Variants in LRRC7 observed in about 807,000 individuals in gnomAD.
LRRC7 encodes the protein leucine-rich repeat-containing protein 7.
A neutral mutation model predicts 175.7 loss-of-function variants in LRRC7; 23 were observed. The observed-to-expected ratio is 0.13, with a 90% CI of 0.09 to 0.19. The LOEUF is 0.19. LRRC7 is among the 10% of genes least tolerant of loss of function. LRRC7 has a pLI of 1.00. For missense variants in LRRC7, 1,354 were observed against 1,904.7 expected (o/e 0.71, Z 5.38); for synonymous variants, 685 against 680.9 (o/e 1.01, Z -0.09).
chr1:69,652,557 CAA>C (rs1399704852), intron 1 of LRRC7, among the ~76,000 whole-genome samples: 1 of 152,082 alleles, frequency 6.6e-6, no homozygotes, highest in East Asian at 1.9e-4. Context: ...AAGCAATCTA[CAA>C]ATTCAATGCA....
At chr1:69,728,413 A>G (rs1208889200) in intron 2 of LRRC7, among the ~76,000 whole-genome samples, 2 of 152,230 alleles carry the variant, frequency 1.3e-5, no homozygotes, top group African/African-American at 2.4e-5. Flanking sequence ...GCTACATTAA[A>G]GGCCATAAAA....
In LRRC7 at chr1:70,130,839, G is replaced by T. The variant is rs1389089827; in HGVS notation, c.*8952G>T. 6.6e-6 allele frequency among the ~76,000 whole-genome samples: 1 copy of T among 152,176 alleles called. No homozygotes were observed. Among genetic ancestry groups the T allele is most frequent in the Non-Finnish European group, 1.5e-5 (1 of 68,034 alleles). ...GACGAGGCTACGGAAGTGTAGTTGA[G>T]AGAAAGGGGTCTCCACCTACCTATT... is the stretch of plus-strand genomic sequence containing the variant. On this transcript the variant is annotated 3_prime_UTR_variant, in exon 27 of 27. Coordinates refer to ENST00000651989, the MANE Select transcript of LRRC7 (RefSeq NM_001370785.2).
intron 7 of LRRC7, among the ~76,000 whole-genome samples, chr1:69,905,665 C>T (rs1570588770): frequency 6.6e-6 from 1 of 152,114 alleles, no homozygotes; most frequent in African/African-American, 2.4e-5. Flanking sequence ...CATTGTTGGA[C>T]ATTTGGGTTG....
At chr1:69,799,513 A>T (rs1237540449) in intron 4 of LRRC7, among the ~76,000 whole-genome samples, 2 of 152,102 alleles carry the variant, frequency 1.3e-5, no homozygotes, top group Non-Finnish European at 2.9e-5. Flanking sequence ...CTCCACTTCC[A>T]TCCATGTTGC....
At chr1:69,979,306 G>A (rs1416502032) in intron 8 of LRRC7, among the ~76,000 whole-genome samples, 1 of 152,246 alleles carries the variant, frequency 6.6e-6, no homozygotes, top group East Asian at 1.9e-4. Context: ...ATAGGGAAGG[G>A]GATAATTTCT....
At chr1:70,057,230 AAT>A (rs567668733) in intron 23 of LRRC7, among the ~76,000 whole-genome samples, 157 of 152,328 alleles carry the variant, frequency 1.0e-3, no homozygotes, top group Middle Eastern at 0.01. Context: ...GACCACTTTA[AAT>A]ATTCAAATTT....
chr1:69,690,904 T>C (rs770581163), intron 2 of LRRC7, among the ~76,000 whole-genome samples: 6 of 152,208 alleles, frequency 3.9e-5, no homozygotes, highest in Non-Finnish European at 7.3e-5. Flanking sequence ...AAACCCATTC[T>C]TTGGTGACTC....
At chr1:69,974,648 T>A (rs2101875534) in intron 8 of LRRC7, among the ~76,000 whole-genome samples, 1 of 152,362 alleles carries the variant, frequency 6.6e-6, no homozygotes, top group East Asian at 1.9e-4. Flanking sequence ...ATCTATTGAT[T>A]ATGAAATGCT....
At chr1:70,048,911 G>T (rs1660539072) in intron 22 of LRRC7, among the ~76,000 whole-genome samples, 1 of 152,038 alleles carries the variant, frequency 6.6e-6, no homozygotes, top group South Asian at 2.1e-4. Flanking sequence ...AGCAGGGCTG[G>T]GGAGAAAATC....
intron 24 of LRRC7, among the ~76,000 whole-genome samples, chr1:70,079,466 A>C (rs1425977027): frequency 1.3e-5 from 2 of 152,238 alleles, no homozygotes; most frequent in Non-Finnish European, 2.9e-5. Context: ...TGGTACAAAG[A>C]AAGTCTACTC....
At chr1:70,034,803 T>A (rs923772459) in intron 18 of LRRC7, among the ~76,000 whole-genome samples, 9 of 152,206 alleles carry the variant, frequency 5.9e-5, no homozygotes, top group African/African-American at 2.2e-4. Flanking sequence ...ATATTCTATT[T>A]AAAAAATTAA....
intron 23 of LRRC7, among the ~76,000 whole-genome samples, chr1:70,062,188 A>G (rs766642632): frequency 1.3e-5 from 2 of 152,088 alleles, no homozygotes; most frequent in Non-Finnish European, 2.9e-5. Flanking sequence ...CTGTATCCCT[A>G]CTAAACTTGT....
Position 70,129,583 on chromosome 1 carries a change from C to A in LRRC7, c.*7696C>A, listed in dbSNP as rs1308992902. Among the ~76,000 whole-genome samples the A allele has an allele frequency of 6.6e-6, 1 of 152,122 alleles. No homozygotes were observed. The highest frequency in any genetic ancestry group is 2.1e-4 in the South Asian group (1 of 4,824). Reference sequence around the variant, plus strand: ...TCTAGGTTCAGCGGCCCCAAAAAGTCCCTCCTATGACCACTGTCAGGGAGC... The same window carrying A: ...TCTAGGTTCAGCGGCCCCAAAAAGTACCTCCTATGACCACTGTCAGGGAGC... On this transcript the variant is annotated 3_prime_UTR_variant, in exon 27 of 27. Coordinates refer to ENST00000651989, the MANE Select transcript of LRRC7 (RefSeq NM_001370785.2).
At chr1:69,842,103 A>T (rs1681794272) in intron 7 of LRRC7, among the ~76,000 whole-genome samples, 1 of 152,164 alleles carries the variant, frequency 6.6e-6, no homozygotes, top group Admixed American at 6.6e-5. Flanking sequence ...AAATACAAAA[A>T]TAGTATAACT....
intron 11 of LRRC7, among the ~76,000 whole-genome samples, chr1:70,003,561 G>A (rs190066069): frequency 7.2e-5 from 11 of 152,260 alleles, no homozygotes; most frequent in Non-Finnish European, 1.3e-4. Flanking sequence ...CACACACAAA[G>A]TTATTGAGAA....
At chr1:69,744,762 A>C (rs993450359) in intron 2 of LRRC7, among the ~76,000 whole-genome samples, 2 of 151,914 alleles carry the variant, frequency 1.3e-5, no homozygotes, top group African/African-American at 4.8e-5. Flanking sequence ...AGACATTTCC[A>C]TTTGAAAAGA....
Position 70,130,103 on chromosome 1 carries a change from AT to A in LRRC7, c.*8218del, listed in dbSNP as rs1666607371. ...AAATTTCTGTACTCAGCACTACCAT[AT>A]TAATTTTTTCTTATGTTTTTTAGTA... On this transcript the variant is annotated 3_prime_UTR_variant, in exon 27 of 27. Transcript: ENST00000651989. 6.6e-6 allele frequency: 1 copy of A among 152,128 alleles called. No individual in the cohort carries two copies. The highest frequency in any genetic ancestry group is 2.4e-5 in the African/African-American group (1 of 41,424). 9.4% of individuals were successfully genotyped at this position (152,128 alleles called of 1,614,324 possible).
intron 2 of LRRC7, among the ~76,000 whole-genome samples, chr1:69,685,824 G>A (rs1245753474): frequency 6.6e-6 from 1 of 151,554 alleles, no homozygotes; most frequent in Non-Finnish European, 1.5e-5. Context: ...AGTAATGGTT[G>A]CAAACTTCTA....
At chr1:69,973,171 A>G (rs1292691589) in intron 8 of LRRC7, among the ~76,000 whole-genome samples, 1 of 151,566 alleles carries the variant, frequency 6.6e-6, no homozygotes, top group East Asian at 1.9e-4. Flanking sequence ...ATTCTAAGCA[A>G]AGTAACTCAG....
Sources: gnomAD v4.1 joint callset for allele counts (sites outside exome capture counted in the v4.1 genomes callset) on GRCh38, gnomAD v4.1.1 for gene constraint, MANE v1.5 for transcripts, NCBI Gene and HGNC (gene_info 2026-07-23, HGNC 2026-07-21) for gene names.